Variants in MARCHF7 observed in about 807,000 individuals in gnomAD.
MARCHF7 encodes E3 ubiquitin-protein ligase MARCHF7.
In MARCHF7, 20 loss-of-function variants were observed where a neutral mutation model predicts 76.5. That is an observed-to-expected ratio of 0.26 (90% CI 0.18 to 0.38). The LOEUF (loss-of-function observed/expected upper bound fraction) is 0.38. Ranked by LOEUF, MARCHF7 falls within the 10% of genes least tolerant of loss-of-function variation. The pLI, the probability that MARCHF7 is intolerant of heterozygous loss-of-function variation, is 1.00. For synonymous variants in MARCHF7, 295 were observed against 293.0 expected, an observed-to-expected ratio of 1.01 and a Z score of -0.07; for missense variants, 797 against 812.9, an observed-to-expected ratio of 0.98 and a Z score of 0.24.
At chr2:159,766,030 C>A (rs1319082996) in intron 11 of MARCHF7, among the ~76,000 whole-genome samples, 1 of 151,834 alleles carries the variant, frequency 6.6e-6, no homozygotes, top group Non-Finnish European at 1.5e-5. Flanking sequence ...AATTTAGTTT[C>A]TTAAACATAG....
intron 7 of MARCHF7, 62 bp downstream of exon 7, chr2:159,748,965 T>C: frequency 1.6e-6 from 2 of 1,271,902 alleles, no homozygotes; most frequent in Non-Finnish European, 2.0e-6. Context: ...TCTTCATTTC[T>C]TTTTTTTCTT....
intron 11 of MARCHF7, among the ~76,000 whole-genome samples, chr2:159,766,854 ACTTCT>A (rs1036663312): frequency 6.6e-6 from 1 of 152,128 alleles, no homozygotes; most frequent in African/African-American, 2.4e-5. Context: ...TTCTATGTAC[ACTTCT>A]TTTCATTCTC....
chr2:159,750,773 TTA>T (rs148350182), intron 7 of MARCHF7, among the ~76,000 whole-genome samples: 3,893 of 152,208 alleles, frequency 0.026, 83 homozygotes, highest in East Asian at 0.088. Flanking sequence ...AAGAAAAGAC[TTA>T]TATAAAGTTA....
intron 5 of MARCHF7, 83 bp from the exon 6 acceptor site, chr2:159,745,687 C>G (rs1704777278): frequency 6.8e-6 from 6 of 882,276 alleles, no homozygotes; most frequent in Non-Finnish European, 1.0e-5. Flanking sequence ...ATAACACTAA[C>G]TTTCCTCTCT....
chr2:159,767,420 G>A lies in MARCHF7; in HGVS notation c.*78G>A. 1 of 1,019,418 alleles carries A rather than the reference G, an allele frequency of 9.8e-7. No homozygotes were observed. Among genetic ancestry groups the A allele is most frequent in the Non-Finnish European group, 1.5e-6 (1 of 659,358 alleles). The allele number at this position is 1,019,418 out of a possible 1,614,324, so 63.1% of individuals were successfully genotyped here. ...GCAATTAAATATAAATTACTTTTGT[G>A]GGGGAATGCCTAATAAATACATTGA... On this transcript the variant is annotated 3_prime_UTR_variant, in exon 12 of 12. Transcript: ENST00000409175.
At chr2:159,743,742 A>AC (rs1704433552) in intron 5 of MARCHF7, among the ~76,000 whole-genome samples, 1 of 130,248 alleles carries the variant, frequency 7.7e-6, no homozygotes, top group Non-Finnish European at 1.7e-5. Flanking sequence ...TCTACCAAAA[A>AC]AAAAAAAAGA....
intron 9 of MARCHF7, 138 bp from the exon 10 acceptor site, chr2:159,762,742 G>A (rs1289390675): frequency 5.0e-6 from 2 of 399,594 alleles, no homozygotes; most frequent in African/African-American, 4.1e-5. Context: ...CTCAATAAAT[G>A]GCATTGTGTC....
intron 11 of MARCHF7, among the ~76,000 whole-genome samples, chr2:159,765,271 C>G (rs1707629423): frequency 6.6e-6 from 1 of 151,812 alleles, no homozygotes; most frequent in Non-Finnish European, 1.5e-5. Flanking sequence ...GCCAACAGCT[C>G]AAATCTCTTA....
rs1350996960 is a variant in MARCHF7 at position 159,745,894 on chromosome 2, T to G, written c.471T>G (p.Leu157=). Residue 157 remains leucine (L), a synonymous_variant, in exon 6 of 12, where the codon CTT becomes CTG. Coordinates refer to ENST00000409175, the MANE Select transcript of MARCHF7 (RefSeq NM_001282805.2). ...ERRTDSSISN[L]MDYSHRSGDF... Reference sequence around the variant, plus strand: ...GAACAGATTCCTCTATTAGTAATCTTATGGATTATAGTCACCGAAGTGGTG... The same window carrying G: ...GAACAGATTCCTCTATTAGTAATCTGATGGATTATAGTCACCGAAGTGGTG... The G allele has an allele frequency of 3.1e-6, 5 of 1,612,520 alleles. No homozygotes were observed. Among genetic ancestry groups the G allele is most frequent in the Non-Finnish European group, 3.4e-6 (4 of 1,179,214 alleles).
At chr2:159,756,487 G>C (rs1419601990) in intron 8 of MARCHF7, among the ~76,000 whole-genome samples, 1 of 152,010 alleles carries the variant, frequency 6.6e-6, no homozygotes, top group Non-Finnish European at 1.5e-5. Context: ...AGGAGTTCAA[G>C]ACCAGCCTGG....
chr2:159,759,208 T>C lies in MARCHF7; in HGVS notation c.1784-18T>C. On this transcript the variant is annotated intron_variant, in intron 8 of 11. Transcript: ENST00000409175. The stretch of plus-strand genomic sequence containing the variant: ...ACATTATAAAACTAAGCTTTATTTG[T>C]AATTTAATTTTTACCAGGTTCTTCA... 7.3e-7 allele frequency: 1 copy of C among 1,373,054 alleles called. No individual in the cohort carries two copies. The highest frequency in any genetic ancestry group is 1.0e-6 in the Non-Finnish European group (1 of 975,308). The allele number at this position is 1,373,054 out of a possible 1,614,324, so 85.1% of individuals were successfully genotyped here.
At chr2:159,734,817 GAA>G (rs760907513) in intron 4 of MARCHF7, among the ~76,000 whole-genome samples, 9,618 of 55,156 alleles carry the variant, frequency 0.17, 396 homozygotes, top group South Asian at 0.22. Flanking sequence ...AAAATAAAAT[GAA>G]AAAAAAAAAA....
Position 159,718,193 on chromosome 2 carries a change from A to G in MARCHF7, c.-15+2427A>G, listed in dbSNP as rs913892625. On this transcript the variant is annotated intron_variant, in intron 3 of 11. Coordinates refer to ENST00000409175, the MANE Select transcript of MARCHF7 (RefSeq NM_001282805.2). ...GAGTCATACCCAAGCATACCAAGTG[A>G]GGGGCAGACTTTGAAGCTTGCACTC... 2.0e-5 allele frequency among the ~76,000 whole-genome samples: 3 copies of G among 152,312 alleles called. No homozygotes were observed. In the South Asian group the frequency reaches 6.2e-4, roughly 32 times the overall value.
intron 8 of MARCHF7, among the ~76,000 whole-genome samples, chr2:159,756,193 A>G (rs1338981355): frequency 2.6e-5 from 4 of 152,216 alleles, no homozygotes; most frequent in Non-Finnish European, 4.4e-5. Flanking sequence ...TCTGATACAC[A>G]CAATTGAATT....
At position 159,768,501 on chromosome 2, in the gene MARCHF7, G is replaced by A. The variant is rs1189542672; in HGVS notation, c.*1159G>A. 6.6e-6 allele frequency: 1 copy of A among 152,528 alleles called. No homozygotes were observed. Among genetic ancestry groups the A allele is most frequent in the Admixed American group, 6.5e-5 (1 of 15,274 alleles). 9.4% of individuals were successfully genotyped at this position (152,528 alleles called of 1,614,324 possible). ...ACCATGTAATTTCTCAAAAGTGATT[G>A]AACAGTTTGCCCACACTTAGTTTGT... On this transcript the variant is annotated 3_prime_UTR_variant, in exon 12 of 12. Coordinates refer to ENST00000409175, the MANE Select transcript of MARCHF7 (RefSeq NM_001282805.2).
intron 8 of MARCHF7, among the ~76,000 whole-genome samples, chr2:159,754,324 A>T (rs1411804100): frequency 6.6e-6 from 1 of 152,220 alleles, no homozygotes; most frequent in African/African-American, 2.4e-5. Context: ...GCTTTAAGGT[A>T]TATGTGATCA....
chr2:159,763,825 T>G (rs1004894170), intron 10 of MARCHF7, among the ~76,000 whole-genome samples: 1 of 152,180 alleles, frequency 6.6e-6, no homozygotes, highest in Non-Finnish European at 1.5e-5. Context: ...TTTTCTTTAT[T>G]TTATCATGTG....
In MARCHF7 at chr2:159,748,005, C is replaced by A; in HGVS notation, c.715C>A (p.Gln239Lys). Residue 239 changes from glutamine (Q) to lysine (K), a missense_variant, in exon 7 of 12, where the codon CAG becomes AAG. Coordinates refer to ENST00000409175, the MANE Select transcript of MARCHF7 (RefSeq NM_001282805.2). ...ATCAGAATCTTCCCGAAGCAATACGCAGCCTGGATTTTCTTACAGTTCAAG... is the reference window on the plus strand; with the variant it reads ...ATCAGAATCTTCCCGAAGCAATACGAAGCCTGGATTTTCTTACAGTTCAAG... ...RESESSRSNT[Q>K]PGFSYSSSRD... 1 of 1,614,152 alleles carries A rather than the reference C, an allele frequency of 6.2e-7. No individual in the cohort carries two copies. The highest frequency in any genetic ancestry group is 8.5e-7 in the Non-Finnish European group (1 of 1,180,024).
At chr2:159,719,170 G>A (rs1701354158) in intron 3 of MARCHF7, among the ~76,000 whole-genome samples, 1 of 151,980 alleles carries the variant, frequency 6.6e-6, no homozygotes, top group Non-Finnish European at 1.5e-5. Flanking sequence ...TAGTAAAGAC[G>A]AGGTTTCACC....
Sources: allele counts gnomAD v4.1 joint callset (sites outside exome capture counted in the v4.1 genomes callset), GRCh38; gene constraint gnomAD v4.1.1; transcripts MANE v1.5; gene names NCBI Gene and HGNC (gene_info 2026-07-23, HGNC 2026-07-21).